CCDC169: variants seen among roughly 807,000 people sequenced by gnomAD.
CCDC169 encodes the protein coiled-coil domain containing 169, also known as coiled-coil domain-containing protein 169.
In CCDC169, 30 loss-of-function variants were observed where a neutral mutation model predicts 36.0. That is an observed-to-expected ratio of 0.83 (90% confidence interval 0.62 to 1.13). The LOEUF is 1.13. Ranked by LOEUF, CCDC169 falls within the 50% of genes most tolerant of loss-of-function variation. The pLI is 0.00. For synonymous variants in CCDC169, 85 were observed against 81.5 expected (o/e 1.04, Z -0.23); for missense variants, 245 against 245.9 (o/e 1.00, Z 0.03).
chr13:36,239,503 T>C (rs1465133935), intron 7 of CCDC169, among the ~76,000 whole-genome samples: 1 of 152,184 alleles, frequency 6.6e-6, no homozygotes, highest in Non-Finnish European at 1.5e-5. Context: ...TTCCAAATTA[T>C]TGTCATATGT....
chr13:36,227,880 TTG>T (rs1870026660), downstream of CCDC169, among the ~76,000 whole-genome samples: 1 of 152,238 alleles, frequency 6.6e-6, no homozygotes, highest in East Asian at 1.9e-4. Flanking sequence ...CTCTATGGAT[TTG>T]CCTATTTGGG....
Position 36,281,861 on chromosome 13 carries a change from C to CA in CCDC169, c.315+1607dup, listed in dbSNP as rs374422941. Reference sequence around the variant, plus strand: ...TGGGTGACAGAGTGAGACCCTCCCTCAAAAAAAAAAGAAATGCTGAATGGT... The same window carrying CA: ...TGGGTGACAGAGTGAGACCCTCCCTCAAAAAAAAAAAGAAATGCTGAATGGT... On this transcript the variant is annotated intron_variant, in intron 4 of 7. Coordinates refer to ENST00000239859, the MANE Select transcript of CCDC169 (RefSeq NM_001144981.3). 2.8e-4 allele frequency among the ~76,000 whole-genome samples: 39 copies of CA among 141,104 alleles called. No individual in the cohort carries two copies. In the East Asian group the frequency reaches 3.7e-3, roughly 13 times the overall value. The allele number at this position is 141,104 out of a possible 152,430, so 92.6% of individuals were successfully genotyped here. A position where few individuals can be genotyped will look rare whatever the true frequency, so the allele number is the denominator to read the frequency against.
intron 4 of CCDC169, among the ~76,000 whole-genome samples, chr13:36,278,100 AAGTTGATTGGGGTT>A: frequency 6.6e-6 from 1 of 152,324 alleles, no homozygotes; most frequent in African/African-American, 2.4e-5. Context: ...TATCCCTTCC[AAGTTGATTGGGGTT>A]AATTTCACAA....
At chr13:36,294,702 GT>G (rs1879269382) in intron 2 of CCDC169, among the ~76,000 whole-genome samples, 1 of 152,072 alleles carries the variant, frequency 6.6e-6, no homozygotes, top group Non-Finnish European at 1.5e-5. Context: ...AGCAATTCCT[GT>G]CCCTCTTAAG....
At chr13:36,272,162 T>C (rs1876173187) in intron 4 of CCDC169, among the ~76,000 whole-genome samples, 1 of 150,886 alleles carries the variant, frequency 6.6e-6, no homozygotes. Flanking sequence ...TGTACACTAC[T>C]TGGGTGATGG....
intron 6 of CCDC169, among the ~76,000 whole-genome samples, chr13:36,250,858 A>C (rs1402743820): frequency 6.6e-6 from 1 of 152,208 alleles, no homozygotes; most frequent in Admixed American, 6.5e-5. Context: ...ATGTTTTAAC[A>C]ATTTTAACAA....
intron 4 of CCDC169, among the ~76,000 whole-genome samples, chr13:36,261,626 C>T (rs1359450095): frequency 1.3e-5 from 2 of 152,198 alleles, no homozygotes; most frequent in African/African-American, 4.8e-5. Flanking sequence ...TGGTTGATAT[C>T]CAAGACTGGC....
At position 36,283,686 on chromosome 13, in the gene CCDC169, GGTTTTCCATTCACTACCTGA is replaced by G. The variant is rs766682832; in HGVS notation, c.164-4_179del. 7.1e-6 allele frequency: 11 copies of G among 1,550,610 alleles called. No homozygotes were observed. The South Asian group carries it at 1.3e-4, about 18-fold the overall frequency. The stretch of plus-strand genomic sequence containing the variant: ...TTAATTCAAGTTGTGTCTCATAACG[GGTTTTCCATTCACTACCTGA>G]GTAAAAACAGGGAGAAACAATCAAG... On this transcript the variant is annotated splice_acceptor_variant and splice_polypyrimidine_tract_variant and coding_sequence_variant and intron_variant, in exon 3 of 8. Coordinates refer to ENST00000239859, the MANE Select transcript of CCDC169 (RefSeq NM_001144981.3). LOFTEE classifies it high-confidence loss of function.
chr13:36,269,575 T>C (rs942982730), intron 4 of CCDC169, among the ~76,000 whole-genome samples: 1 of 152,180 alleles, frequency 6.6e-6, no homozygotes, highest in African/African-American at 2.4e-5. Flanking sequence ...ATAAGGTACC[T>C]TGATCAAGTG....
At chr13:36,293,004 GGT>G (rs1566093601) in intron 2 of CCDC169, among the ~76,000 whole-genome samples, 2 of 152,172 alleles carry the variant, frequency 1.3e-5, no homozygotes, top group Non-Finnish European at 2.9e-5. Flanking sequence ...GGTAGAAACA[GGT>G]AGAAGTCCTC....
chr13:36,272,501 T>C (rs988652357), intron 4 of CCDC169, among the ~76,000 whole-genome samples: 16 of 152,330 alleles, frequency 1.1e-4, no homozygotes, highest in African/African-American at 3.6e-4. Flanking sequence ...GTGAGGTTCA[T>C]TGTTGGGTCA....
chr13:36,286,333 C>T (rs763939120), intron 2 of CCDC169, among the ~76,000 whole-genome samples: 1 of 152,096 alleles, frequency 6.6e-6, no homozygotes, highest in Non-Finnish European at 1.5e-5. Flanking sequence ...CAGAGTGTAC[C>T]CAACCACCTT....
At chr13:36,223,534 T>A (rs1371909795), downstream of CCDC169, 2 of 152,160 alleles carry the variant, frequency 1.3e-5, no homozygotes, top group African/African-American at 4.8e-5. Context: ...TGCCCTACTG[T>A]CAAATATATG....
chr13:36,258,768 G>A (rs1874243663), intron 4 of CCDC169, among the ~76,000 whole-genome samples: 1 of 152,138 alleles, frequency 6.6e-6, no homozygotes, highest in Non-Finnish European at 1.5e-5. Context: ...CTCTGCTGAT[G>A]GAGTGGCCAT....
intron 4 of CCDC169, among the ~76,000 whole-genome samples, chr13:36,271,919 C>A (rs1876112430): frequency 6.6e-6 from 1 of 151,484 alleles, no homozygotes; most frequent in South Asian, 2.1e-4. Context: ...CCTATCTCTA[C>A]TAAAAATACA....
intron 7 of CCDC169, chr13:36,240,463 G>C: frequency 3.1e-6 from 1 of 319,974 alleles, no homozygotes; most frequent in Non-Finnish European, 5.5e-6. Context: ...CAGAGTTATT[G>C]ACTTACTCTT....
chr13:36,275,146 C>T (rs1210442768), intron 4 of CCDC169, among the ~76,000 whole-genome samples: 6 of 151,762 alleles, frequency 4.0e-5, no homozygotes, highest in East Asian at 1.9e-4. Context: ...GGATTACAGG[C>T]GTGAGCCACC....
In CCDC169 at chr13:36,279,228, C is replaced by A. The variant is rs142293314; in HGVS notation, c.315+4241G>T. Among the ~76,000 whole-genome samples, 987 of 152,140 alleles carry A rather than the reference C, an allele frequency of 6.5e-3. 14 individuals are homozygous for A. Among genetic ancestry groups the A allele is most frequent in the African/African-American group, 0.023 (942 of 41,512 alleles). On this transcript the variant is annotated intron_variant, in intron 4 of 7. Coordinates refer to ENST00000239859, the MANE Select transcript of CCDC169 (RefSeq NM_001144981.3). ...GTGGTTGGGGTGGGGGTGGGAGGAT[C>A]TTTCAACCTCTATATAAAATATTTC...
At chr13:36,257,064 C>T (rs1274966351) in intron 4 of CCDC169, among the ~76,000 whole-genome samples, 1 of 152,178 alleles carries the variant, frequency 6.6e-6, no homozygotes, top group Non-Finnish European at 1.5e-5. Context: ...CTGTCTTTAA[C>T]ACAAACAAGG....
Sources: allele counts gnomAD v4.1 joint callset (sites outside exome capture counted in the v4.1 genomes callset), GRCh38; gene constraint gnomAD v4.1.1; transcripts MANE v1.5; gene names NCBI Gene and HGNC (gene_info 2026-07-23, HGNC 2026-07-21).